The following CPA6 variants were observed in gnomAD, a reference collection of about 807,000 sequenced individuals.
CPA6 encodes carboxypeptidase B.
A neutral mutation model predicts 63.3 loss-of-function variants in CPA6; 58 were observed. That is an observed-to-expected ratio of 0.92 (90% CI 0.74 to 1.14). The LOEUF (loss-of-function observed/expected upper bound fraction) is 1.14, where lower values mean the gene tolerates loss of function less well. CPA6 is among the 50% of genes most tolerant of loss of function. The probability of loss-of-function intolerance (pLI) is 0.00; values close to 1 mark genes in which losing one functional copy is unlikely to be tolerated. For synonymous variants in CPA6, 185 were observed against 179.0 expected, an observed-to-expected ratio of 1.03 and a Z score of -0.27; for missense variants, 565 against 526.6, an observed-to-expected ratio of 1.07 and a Z score of -0.71.
At chr8:67,730,117 A>G (rs1005712662) in intron 1 of CPA6, among the ~76,000 whole-genome samples, 3 of 152,214 alleles carry the variant, frequency 2.0e-5, no homozygotes, top group Non-Finnish European at 4.4e-5. Flanking sequence ...CCCAGATCTC[A>G]TAGGTTAGTG....
intron 2 of CPA6, among the ~76,000 whole-genome samples, chr8:67,537,208 A>AT (rs1481458959): frequency 7.9e-5 from 12 of 152,226 alleles, no homozygotes; most frequent in African/African-American, 2.9e-4. Context: ...TGCTGGCCTC[A>AT]TAAAATGAGT....
chr8:67,442,973 TTAG>T (rs1810327102), intron 8 of CPA6, among the ~76,000 whole-genome samples: 1 of 152,216 alleles, frequency 6.6e-6, no homozygotes, highest in East Asian at 1.9e-4. Context: ...GAGCTGCATA[TTAG>T]TCTGAGACTC....
chr8:67,600,499 A>G (rs1242856679), intron 2 of CPA6, among the ~76,000 whole-genome samples: 2 of 152,174 alleles, frequency 1.3e-5, no homozygotes, highest in African/African-American at 4.8e-5. Flanking sequence ...TTGCTTAGAG[A>G]GGAGATGTTA....
chr8:67,611,275 G>A (rs924233671), intron 2 of CPA6, among the ~76,000 whole-genome samples: 1 of 152,004 alleles, frequency 6.6e-6, no homozygotes, highest in Non-Finnish European at 1.5e-5. Flanking sequence ...GTAGAGACAG[G>A]GTTTTGCCAT....
chr8:67,575,751 G>A (rs1178361118), intron 2 of CPA6, among the ~76,000 whole-genome samples: 1 of 151,998 alleles, frequency 6.6e-6, no homozygotes, highest in Non-Finnish European at 1.5e-5. Context: ...CCAGCTACCT[G>A]GGAGGCTGAG....
intron 6 of CPA6, among the ~76,000 whole-genome samples, chr8:67,497,384 A>C (rs1240621920): frequency 6.6e-6 from 1 of 152,176 alleles, no homozygotes; most frequent in Non-Finnish European, 1.5e-5. Flanking sequence ...GCCTCATTTC[A>C]TTTAGCATAA....
intron 1 of CPA6, among the ~76,000 whole-genome samples, chr8:67,632,000 C>T (rs1197510230): frequency 6.6e-6 from 1 of 152,146 alleles, no homozygotes; most frequent in Non-Finnish European, 1.5e-5. Flanking sequence ...TAACACTCAC[C>T]GCGAGGGTCC....
intron 2 of CPA6, among the ~76,000 whole-genome samples, chr8:67,529,780 G>T (rs1310645119): frequency 6.6e-6 from 1 of 152,124 alleles, no homozygotes; most frequent in Non-Finnish European, 1.5e-5. Flanking sequence ...TAACTCAATA[G>T]TGTCACGGGG....
chr8:67,728,188 A>G (rs937535015), intron 1 of CPA6, among the ~76,000 whole-genome samples: 14 of 152,046 alleles, frequency 9.2e-5, no homozygotes, highest in Admixed American at 3.3e-4. Flanking sequence ...CTTTGGGCCC[A>G]TTTAATTCCC....
chr8:67,628,560 A>C (rs1815245263), intron 1 of CPA6, among the ~76,000 whole-genome samples: 1 of 152,246 alleles, frequency 6.6e-6, no homozygotes, highest in South Asian at 2.1e-4. Flanking sequence ...CACTGTTAAC[A>C]GTTTCTTGTG....
intron 2 of CPA6, among the ~76,000 whole-genome samples, chr8:67,619,030 C>A (rs1356000507): frequency 6.6e-6 from 1 of 152,192 alleles, no homozygotes; most frequent in East Asian, 1.9e-4. Flanking sequence ...AAGTAACCAG[C>A]TTTGTAACAG....
At chr8:67,632,489 T>A (rs557258234) in intron 1 of CPA6, among the ~76,000 whole-genome samples, 1 of 152,226 alleles carries the variant, frequency 6.6e-6, no homozygotes, top group South Asian at 2.1e-4. Flanking sequence ...AAAAAAATTT[T>A]TTTTAGAGAT....
chr8:67,568,536 G>C (rs1813400360), intron 2 of CPA6, among the ~76,000 whole-genome samples: 4 of 152,136 alleles, frequency 2.6e-5, no homozygotes, highest in Non-Finnish European at 5.9e-5. Context: ...AAATGTAATA[G>C]GAAGCTTCAA....
At chr8:67,602,918 A>G (rs1195886616) in intron 2 of CPA6, among the ~76,000 whole-genome samples, 2 of 152,218 alleles carry the variant, frequency 1.3e-5, no homozygotes, top group Non-Finnish European at 2.9e-5. Flanking sequence ...GAACCCCTTG[A>G]TAGAAAAGTG....
intron 8 of CPA6, among the ~76,000 whole-genome samples, chr8:67,450,867 G>A (rs73262605): frequency 0.068 from 10,339 of 152,230 alleles, 795 homozygotes; most frequent in African/African-American, 0.19. Context: ...CATGATGTGC[G>A]AAGAGTGGCA....
At chr8:67,710,325 T>A (rs1817229163) in intron 1 of CPA6, among the ~76,000 whole-genome samples, 1 of 151,996 alleles carries the variant, frequency 6.6e-6, no homozygotes, top group Non-Finnish European at 1.5e-5. Context: ...GTCAGGCTGT[T>A]AGTTAATCTC....
chr8:67,730,456 T>C (rs894756554), intron 1 of CPA6, among the ~76,000 whole-genome samples: 2 of 152,174 alleles, frequency 1.3e-5, no homozygotes, highest in African/African-American at 4.8e-5. Flanking sequence ...CCTGTCCTTT[T>C]TGGGTTTTTA....
chr8:67,677,925 C>G (rs1318175263), intron 1 of CPA6, among the ~76,000 whole-genome samples: 1 of 151,488 alleles, frequency 6.6e-6, no homozygotes, highest in Non-Finnish European at 1.5e-5. Context: ...GCAAAGATTT[C>G]TTAAAAAAAA....
chr8:67,444,771 C>CAAA (rs200276914), intron 8 of CPA6, among the ~76,000 whole-genome samples: 1 of 94,304 alleles, frequency 1.1e-5, no homozygotes, highest in Non-Finnish European at 2.2e-5. Flanking sequence ...GACTCTGTCT[C>CAAA]AAAAAAAAAA....
Sources: gnomAD v4.1 joint callset for allele counts (sites outside exome capture counted in the v4.1 genomes callset) on GRCh38, gnomAD v4.1.1 for gene constraint, MANE v1.5 for transcripts, NCBI Gene and HGNC (gene_info 2026-07-23, HGNC 2026-07-21) for gene names.